Variants in DOCK2 observed in about 807,000 individuals in gnomAD.
DOCK2 encodes dedicator of cytokinesis 2.
In DOCK2, 87 loss-of-function variants were observed where a neutral mutation model predicts 248.9. The ratio of observed to expected loss-of-function variants is 0.35; its 90% CI spans 0.29 to 0.42. The LOEUF (loss-of-function observed/expected upper bound fraction) is 0.42. Ranked by LOEUF, DOCK2 falls within the 10% of genes least tolerant of loss-of-function variation. DOCK2 has a pLI of 1.00. For synonymous variants in DOCK2, 805 were observed against 821.6 expected, an observed-to-expected ratio of 0.98 and a Z score of 0.35; for missense variants, 1,747 against 2,300.2, an observed-to-expected ratio of 0.76 and a Z score of 4.92.
chr5:169,834,660 T>C (rs1259838808), intron 26 of DOCK2, among the ~76,000 whole-genome samples: 2 of 135,364 alleles, frequency 1.5e-5, no homozygotes, highest in East Asian at 2.2e-4. Context: ...AGACCACAAG[T>C]CCTACTCACA....
intron 41 of DOCK2, among the ~76,000 whole-genome samples, chr5:170,054,258 T>C (rs1757026872): frequency 6.6e-6 from 1 of 152,050 alleles, no homozygotes; most frequent in Non-Finnish European, 1.5e-5. Context: ...CAGGAAAAGA[T>C]TTTTTGGAGT....
At chr5:170,064,378 G>A (rs916773783) in intron 44 of DOCK2, among the ~76,000 whole-genome samples, 1 of 152,052 alleles carries the variant, frequency 6.6e-6, no homozygotes, top group African/African-American at 2.4e-5. Context: ...GGAGAGCAAT[G>A]CAAGAACAAA....
chr5:170,071,036 A>AC lies in DOCK2; in HGVS notation c.4728+1818dup, dbSNP rs1257663313. ...AGCACCACCCGCTGCTCCTGAGACC[A>AC]CCTATACAGAGGCCCACCTAACCCC... On this transcript the variant is annotated intron_variant, in intron 46 of 51. Coordinates refer to ENST00000520908, the MANE Select transcript of DOCK2 (RefSeq NM_004946.3). Among the ~76,000 whole-genome samples, 3 of 152,044 alleles carry AC rather than the reference A, an allele frequency of 2.0e-5. No individual in the cohort carries two copies. The East Asian group carries it at 5.8e-4, about 29-fold the overall frequency.
At chr5:169,986,796 G>C (rs971558952) in intron 29 of DOCK2, among the ~76,000 whole-genome samples, 19 of 151,994 alleles carry the variant, frequency 1.3e-4, no homozygotes, top group African/African-American at 4.4e-4. Flanking sequence ...ATTCTTTCAT[G>C]GAAAGCCCTT....
At chr5:169,959,325 C>T (rs1362489193) in intron 27 of DOCK2, among the ~76,000 whole-genome samples, 2 of 151,546 alleles carry the variant, frequency 1.3e-5, no homozygotes, top group Non-Finnish European at 2.9e-5. Context: ...CCTGAGATCA[C>T]ACCACTGCAC....
intron 25 of DOCK2, among the ~76,000 whole-genome samples, chr5:169,791,881 C>G (rs997252428): frequency 1.3e-5 from 2 of 152,188 alleles, no homozygotes; most frequent in African/African-American, 4.8e-5. Context: ...ATTCCACTCT[C>G]TCACTCCCCT....
chr5:169,877,774 G>A (rs1206623119), intron 27 of DOCK2, among the ~76,000 whole-genome samples: 4 of 152,136 alleles, frequency 2.6e-5, no homozygotes, highest in South Asian at 2.1e-4. Flanking sequence ...AGGATAAGAC[G>A]AGGAGCAGTC....
At position 169,671,064 on chromosome 5, in the gene DOCK2, C is replaced by A; in HGVS notation, c.225-14C>A. On this transcript the variant is annotated splice_polypyrimidine_tract_variant and intron_variant, in intron 4 of 51. Transcript: ENST00000520908. The stretch of plus-strand genomic sequence containing the variant: ...GTCTCAATTTCACACCACTTTTTCT[C>A]CCACCTTAAATAGAAATACTGAGAA... 1 of 1,609,732 alleles carries A rather than the reference C, an allele frequency of 6.2e-7. No homozygotes were observed. The highest frequency in any genetic ancestry group is 1.1e-5 in the South Asian group (1 of 90,426).
intron 25 of DOCK2, among the ~76,000 whole-genome samples, chr5:169,789,043 C>G (rs1346779092): frequency 6.6e-6 from 1 of 152,156 alleles, no homozygotes; most frequent in Non-Finnish European, 1.5e-5. Context: ...CTCTGAGTGT[C>G]CATGTGTTCT....
intron 33 of DOCK2, among the ~76,000 whole-genome samples, chr5:170,025,798 T>C (rs1027026989): frequency 6.0e-4 from 40 of 66,756 alleles, no homozygotes; most frequent in Middle Eastern, 0.012. Flanking sequence ...CTCCCTTCCT[T>C]CCTTCCTTCC....
At chr5:169,690,004 G>A (rs1181587187) in intron 9 of DOCK2, among the ~76,000 whole-genome samples, 1 of 151,886 alleles carries the variant, frequency 6.6e-6, no homozygotes, top group Non-Finnish European at 1.5e-5. Context: ...ATAATTTTTA[G>A]TAGAGACCCC....
intron 26 of DOCK2, among the ~76,000 whole-genome samples, chr5:169,818,019 T>G (rs977831942): frequency 1.3e-5 from 2 of 152,238 alleles, no homozygotes; most frequent in South Asian, 4.1e-4. Flanking sequence ...TGAGTACTGC[T>G]GGGCTCCCAA....
intron 41 of DOCK2, among the ~76,000 whole-genome samples, chr5:170,054,666 A>G (rs770019853): frequency 1.1e-4 from 17 of 152,236 alleles, no homozygotes; most frequent in Non-Finnish European, 1.9e-4. Flanking sequence ...TTTAGCATGC[A>G]TATGTTTCAC....
At chr5:169,908,705 T>C (rs1192808199) in intron 27 of DOCK2, among the ~76,000 whole-genome samples, 1 of 133,496 alleles carries the variant, frequency 7.5e-6, no homozygotes, top group Non-Finnish European at 1.5e-5. Flanking sequence ...TTTTCTCTTT[T>C]CTTTTTTCTT....
chr5:169,883,725 A>G (rs1454910135), intron 27 of DOCK2: 32 of 1,551,288 alleles, frequency 2.1e-5, no homozygotes, highest in Non-Finnish European at 2.8e-5. Context: ...GGTCTTCTGG[A>G]GTTTGGACGT....
intron 25 of DOCK2, among the ~76,000 whole-genome samples, chr5:169,786,257 G>A (rs1313410214): frequency 6.6e-6 from 1 of 152,130 alleles, no homozygotes; most frequent in Non-Finnish European, 1.5e-5. Context: ...GTCTTGGCAG[G>A]GGCTGCATGT....
chr5:170,026,097 C>T (rs1250973218), intron 33 of DOCK2, among the ~76,000 whole-genome samples: 1 of 152,064 alleles, frequency 6.6e-6, no homozygotes, highest in Non-Finnish European at 1.5e-5. Context: ...TGTATCAGCA[C>T]AAGCTTTTGG....
At chr5:169,660,355 A>G (rs1408066879) in intron 2 of DOCK2, among the ~76,000 whole-genome samples, 3 of 152,148 alleles carry the variant, frequency 2.0e-5, no homozygotes, top group African/African-American at 7.2e-5. Flanking sequence ...AAATAAACAA[A>G]CAAATAAAAT....
chr5:169,724,374 T>C (rs1251299346), intron 22 of DOCK2, among the ~76,000 whole-genome samples: 1 of 152,188 alleles, frequency 6.6e-6, no homozygotes, highest in Non-Finnish European at 1.5e-5. Flanking sequence ...TGACTTTGTC[T>C]TCATCCCCAG....
Sources: allele counts gnomAD v4.1 joint callset (sites outside exome capture counted in the v4.1 genomes callset), GRCh38; gene constraint gnomAD v4.1.1; transcripts MANE v1.5; gene names NCBI Gene and HGNC (gene_info 2026-07-23, HGNC 2026-07-21).